The following SLC9A4 variants were observed in gnomAD, a reference collection of about 807,000 sequenced individuals.
SLC9A4 encodes solute carrier family 9 member A4.
A neutral mutation model predicts 67.4 loss-of-function variants in SLC9A4; 63 were observed. The observed-to-expected ratio is 0.93, with a 90% CI of 0.76 to 1.15. The LOEUF (loss-of-function observed/expected upper bound fraction) is 1.15, where lower values mean the gene tolerates loss of function less well. Ranked by LOEUF, SLC9A4 falls within the 50% of genes most tolerant of loss-of-function variation. The pLI, the probability that SLC9A4 is intolerant of heterozygous loss-of-function variation, is 0.00. For synonymous variants in SLC9A4, 393 were observed against 367.2 expected (o/e 1.07, Z -0.80); for missense variants, 1,089 against 987.7 (o/e 1.10, Z -1.38).
intron 1 of SLC9A4, among the ~76,000 whole-genome samples, chr2:102,476,049 T>A (rs1262038437): frequency 6.6e-6 from 1 of 152,212 alleles, no homozygotes; most frequent in Non-Finnish European, 1.5e-5. Context: ...AGGGACTTGG[T>A]CTAACGGGGA....
intron 2 of SLC9A4, among the ~76,000 whole-genome samples, chr2:102,502,244 C>G (rs926410712): frequency 6.6e-6 from 1 of 152,088 alleles, no homozygotes. Flanking sequence ...GATCATAGTT[C>G]TGGGCTATGG....
At chr2:102,497,893 C>T (rs1246893915) in intron 2 of SLC9A4, among the ~76,000 whole-genome samples, 2 of 152,102 alleles carry the variant, frequency 1.3e-5, no homozygotes, top group East Asian at 1.9e-4. Flanking sequence ...GAGCCCTGGT[C>T]GAAGGACTAA....
intron 2 of SLC9A4, among the ~76,000 whole-genome samples, chr2:102,483,096 A>C (rs1026535689): frequency 2.0e-5 from 3 of 152,162 alleles, no homozygotes; most frequent in African/African-American, 7.2e-5. Flanking sequence ...TCATTTCAGG[A>C]TAAAATCATA....
intron 3 of SLC9A4, among the ~76,000 whole-genome samples, chr2:102,504,504 C>T (rs953190365): frequency 6.6e-6 from 1 of 152,152 alleles, no homozygotes; most frequent in East Asian, 1.9e-4. Flanking sequence ...TTTTGAAATG[C>T]TTATCCTTAT....
rs551117066 is a variant in SLC9A4 at position 102,494,633 on chromosome 2, A to G, written c.721-8815A>G. ...AAAGGCATAAATAAGGTGAAAGTAA[A>G]TGGATGCAAAAAGATAAACCAAGCA... On this transcript the variant is annotated intron_variant, in intron 2 of 11. Transcript: ENST00000295269. Among the ~76,000 whole-genome samples, 4 of 152,218 alleles carry G rather than the reference A, an allele frequency of 2.6e-5. No individual in the cohort carries two copies. In the East Asian group the frequency reaches 7.7e-4, roughly 29 times the overall value.
At chr2:102,523,031 T>C (rs1478228007) in intron 9 of SLC9A4, among the ~76,000 whole-genome samples, 1 of 152,102 alleles carries the variant, frequency 6.6e-6, no homozygotes, top group East Asian at 1.9e-4. Context: ...TGCGGTGGCA[T>C]GATCATGGCT....
At chr2:102,521,421 C>G (rs4851612) in intron 9 of SLC9A4, among the ~76,000 whole-genome samples, 76,000 of 152,010 alleles carry the variant, frequency 0.5, 20,046 homozygotes, top group Admixed American at 0.59. Context: ...ACAAAGGCCT[C>G]TTTCCATTTA....
chr2:102,520,568 C>T (rs1238831964), intron 9 of SLC9A4, among the ~76,000 whole-genome samples: 2 of 152,128 alleles, frequency 1.3e-5, no homozygotes, highest in Non-Finnish European at 2.9e-5. Flanking sequence ...AATTAGTCAT[C>T]TAACGAAGTC....
chr2:102,485,069 G>A (rs1480463218), intron 2 of SLC9A4, among the ~76,000 whole-genome samples: 2 of 152,146 alleles, frequency 1.3e-5, no homozygotes, highest in Non-Finnish European at 2.9e-5. Context: ...GGTGGTGATA[G>A]TACACAGTGG....
At chr2:102,499,416 A>G (rs1684877175) in intron 2 of SLC9A4, among the ~76,000 whole-genome samples, 1 of 152,190 alleles carries the variant, frequency 6.6e-6, no homozygotes, top group African/African-American at 2.4e-5. Context: ...CAATTTCTAC[A>G]CTTTTTCATG....
At position 102,519,930 on chromosome 2, in the gene SLC9A4, C is replaced by T. The variant is rs1221144005; in HGVS notation, c.1793C>T (p.Ser598Phe). The change falls in exon 9 of 12, where the codon TCC becomes TTC. Residue 598 changes from serine (S) to phenylalanine (F), a missense_variant. Ser to Phe is a radical substitution (Grantham distance 155). Coordinates refer to ENST00000295269, the MANE Select transcript of SLC9A4 (RefSeq NM_001011552.4). ...GAGTCCATAAGGGACATTCTGACAT[C>T]CAACATGTACCAAGTTCGGCAAAGG... ...DVESIRDILT[S>F]NMYQVRQRTL... 1 of 1,613,652 alleles carries T rather than the reference C, an allele frequency of 6.2e-7. No individual in the cohort carries two copies. The highest frequency in any genetic ancestry group is 2.2e-5 in the East Asian group (1 of 44,872).
At chr2:102,527,048 A>T (rs1367234339) in intron 11 of SLC9A4, among the ~76,000 whole-genome samples, 2 of 152,222 alleles carry the variant, frequency 1.3e-5, no homozygotes, top group East Asian at 3.8e-4. Flanking sequence ...ACCTTTAAGG[A>T]GTATATGTAA....
chr2:102,520,979 A>G (rs1376482316), intron 9 of SLC9A4, among the ~76,000 whole-genome samples: 1 of 152,242 alleles, frequency 6.6e-6, no homozygotes, highest in African/African-American at 2.4e-5. Flanking sequence ...CAGCTGGAGG[A>G]ATACAGGTCA....
intron 3 of SLC9A4, 126 bp downstream of exon 3, chr2:102,503,833 G>C: frequency 1.5e-6 from 2 of 1,328,670 alleles, no homozygotes; most frequent in Non-Finnish European, 2.0e-6. Flanking sequence ...TGCAGATTTA[G>C]GATCTTCTAA....
chr2:102,487,599 A>T (rs1684614480), intron 2 of SLC9A4, among the ~76,000 whole-genome samples: 1 of 152,132 alleles, frequency 6.6e-6, no homozygotes, highest in South Asian at 2.1e-4. Context: ...TGTTTGGTTC[A>T]TTTTCTTCTG....
At chr2:102,516,872 T>G (rs1047336069) in intron 8 of SLC9A4, among the ~76,000 whole-genome samples, 1 of 152,186 alleles carries the variant, frequency 6.6e-6, no homozygotes, top group Non-Finnish European at 1.5e-5. Context: ...TATTAAAATA[T>G]AAAATATTTA....
chr2:102,488,700 C>G (rs1684639417), intron 2 of SLC9A4, among the ~76,000 whole-genome samples: 2 of 152,094 alleles, frequency 1.3e-5, no homozygotes, highest in Admixed American at 1.3e-4. Context: ...AGGTGCCCAC[C>G]ACCACGCCCG....
chr2:102,497,076 G>A (rs1285045919), intron 2 of SLC9A4, among the ~76,000 whole-genome samples: 1 of 152,182 alleles, frequency 6.6e-6, no homozygotes, highest in East Asian at 1.9e-4. Flanking sequence ...GGAATTACAG[G>A]CACATGCCAT....
chr2:102,517,561 A>G (rs1285419547), intron 8 of SLC9A4, among the ~76,000 whole-genome samples: 1 of 152,232 alleles, frequency 6.6e-6, no homozygotes, highest in African/African-American at 2.4e-5. Context: ...ACTATAGTTA[A>G]CACTAATTGT....
Sources: allele counts gnomAD v4.1 joint callset (sites outside exome capture counted in the v4.1 genomes callset), GRCh38; gene constraint gnomAD v4.1.1; transcripts MANE v1.5; gene names NCBI Gene and HGNC (gene_info 2026-07-23, HGNC 2026-07-21).